The following FAM240C variants were observed in gnomAD, a reference collection of about 807,000 sequenced individuals.
FAM240C encodes protein FAM240C.
In FAM240C, 14 loss-of-function variants were observed where a neutral mutation model predicts 10.0. The ratio of observed to expected loss-of-function variants is 1.40; its 90% CI spans 0.92 to 2.19. FAM240C has a LOEUF of 2.19. Among genes scored for constraint, FAM240C ranks in the 30% most tolerant of loss-of-function variants. The pLI, the probability that FAM240C is intolerant of heterozygous loss-of-function variation, is 0.00. For missense variants in FAM240C, 154 were observed against 122.3 expected, an observed-to-expected ratio of 1.26 and a Z score of -1.22; for synonymous variants, 49 against 44.3, an observed-to-expected ratio of 1.11 and a Z score of -0.42.
At chr2:241,895,750 C>T (rs1224147327) in intron 2 of FAM240C, among the ~76,000 whole-genome samples, 8 of 152,202 alleles carry the variant, frequency 5.3e-5, no homozygotes, top group African/African-American at 9.6e-5. Flanking sequence ...CAACCTCCAC[C>T]TCAGGGGCCA....
intron 2 of FAM240C, among the ~76,000 whole-genome samples, chr2:241,896,486 A>G (rs866614698): frequency 0.017 from 581 of 34,710 alleles, 16 homozygotes; most frequent in African/African-American, 0.052. Flanking sequence ...ATGGCGGGGG[A>G]AGGGGGTGTG....
At chr2:241,894,422 G>T in intron 2 of FAM240C, 83 bp from the exon 3 acceptor site, 1 of 1,450,390 alleles carries the variant, frequency 6.9e-7, no homozygotes, top group Non-Finnish European at 9.2e-7. Flanking sequence ...TCAGCACCTG[G>T]GCACCTGTGA....
rs1438766485 is a variant in FAM240C, at chr2:241,894,333, G to T, written c.168C>A (p.Arg56=). 1.3e-6 allele frequency: 2 copies of T among 1,545,016 alleles called. No homozygotes were observed. Among genetic ancestry groups the T allele is most frequent in the Admixed American group, 2.0e-5 (1 of 50,874 alleles). ...RVRRSALNKL[R]VGWAEQLEGR... Reference sequence around the variant, plus strand: ...CCTCCAGCTGCTCAGCCCATCCCACGCGGAGCCTGGGGCAGGGCGATAATT... The same window carrying T: ...CCTCCAGCTGCTCAGCCCATCCCACTCGGAGCCTGGGGCAGGGCGATAATT... Residue 56 remains arginine (R), a synonymous_variant, in exon 3 of 3, where the codon CGC becomes CGA. Coordinates refer to ENST00000404031, the MANE Select transcript of FAM240C (RefSeq NM_001382368.1).
intron 1 of FAM240C, among the ~76,000 whole-genome samples, chr2:241,898,610 A>G (rs954086396): frequency 1.4e-5 from 1 of 70,878 alleles, no homozygotes; most frequent in Non-Finnish European, 2.7e-5. Flanking sequence ...TGTCGACAGC[A>G]GCAGCCCCTT....
intron 1 of FAM240C, 105 bp from the exon 2 acceptor site, chr2:241,897,439 C>G: frequency 7.4e-7 from 1 of 1,358,892 alleles, no homozygotes; most frequent in Non-Finnish European, 1.0e-6. Flanking sequence ...CAGCCTGCAG[C>G]ATCGTGGTCC....
rs768738629 is a variant in FAM240C, at chr2:241,897,306, T to G, written c.41A>C (p.Asn14Thr). 8.4e-6 allele frequency: 13 copies of G among 1,549,640 alleles called. No individual in the cohort carries two copies. In the African/African-American group the frequency reaches 1.8e-4, roughly 21 times the overall value. Residue 14 changes from asparagine (N) to threonine (T), a missense_variant, in exon 2 of 3, where the codon AAT becomes ACT. Physicochemically the swap from Asn to Thr is moderately conservative, Grantham distance 65 (BLOSUM62 0). Transcript: ENST00000404031. ...KNMSKSLTLK[N>T]PGRVAYDSGG... is the part of the protein sequence containing the mutation. ...TGAATCGTATGCTACTCTTCCAGGA[T>G]TCTTAAGAGTGAGGCTTTTACTCAT...
chr2:241,899,467 G>T, intron 1 of FAM240C: 2 of 459,744 alleles, frequency 4.4e-6, no homozygotes, highest in South Asian at 1.8e-4. Flanking sequence ...AGGAGGGTGG[G>T]ATGCACGGAA....
chr2:241,898,561 C>G (rs892810680), intron 1 of FAM240C, among the ~76,000 whole-genome samples: 1 of 151,904 alleles, frequency 6.6e-6, no homozygotes, highest in East Asian at 1.9e-4. Context: ...AACAAACAAA[C>G]AAACAAACAA....
chr2:241,901,042 T>C (rs113223219), upstream of FAM240C, among the ~76,000 whole-genome samples: 264 of 152,172 alleles, frequency 1.7e-3, no homozygotes, highest in Non-Finnish European at 3.0e-3. This position sits in a 1 kb window ranked among gnomAD's most constrained non-coding sequence, Gnocchi z 4.9. Flanking sequence ...TGAGGCGTCC[T>C]GGAGCAAGCA....
chr2:241,896,824 G>T (rs1294824445), intron 2 of FAM240C, among the ~76,000 whole-genome samples: 1 of 126,684 alleles, frequency 7.9e-6, no homozygotes, highest in African/African-American at 3.0e-5. Flanking sequence ...TGGGTGTGGG[G>T]GTGTGGGTGT....
chr2:241,899,185 A>T, intron 1 of FAM240C: 3 of 1,303,172 alleles, frequency 2.3e-6, no homozygotes, highest in Non-Finnish European at 2.0e-6. Context: ...GGTGCTGGGG[A>T]CTCCTTCGAG....
upstream of FAM240C, among the ~76,000 whole-genome samples, chr2:241,901,156 C>T (rs960611650): frequency 6.6e-5 from 10 of 152,180 alleles, no homozygotes; most frequent in African/African-American, 2.4e-4. This position sits in a 1 kb window ranked among gnomAD's most constrained non-coding sequence, Gnocchi z 4.9. Context: ...GTCACCGCGT[C>T]CGGAAACACC....
At chr2:241,898,467 G>A (rs1274304479) in intron 1 of FAM240C, among the ~76,000 whole-genome samples, 1 of 152,212 alleles carries the variant, frequency 6.6e-6, no homozygotes, top group Non-Finnish European at 1.5e-5. Flanking sequence ...CAGGAGAATC[G>A]CTTGAACCCG....
upstream of FAM240C, chr2:241,900,524 CTCTG>C (rs536937521): frequency 9.2e-5 from 58 of 633,128 alleles, no homozygotes; most frequent in Middle Eastern, 4.2e-4. This position sits in a 1 kb window ranked among gnomAD's most constrained non-coding sequence, Gnocchi z 4.5. Flanking sequence ...ACGCGCTGCC[CTCTG>C]TCTGGGCACC....
chr2:241,897,480 G>C, intron 1 of FAM240C, 146 bp from the exon 2 acceptor site: 1 of 980,452 alleles, frequency 1.0e-6, no homozygotes, highest in South Asian at 1.7e-5. Context: ...GGATGGCGGA[G>C]GCTGCCCTCT....
chr2:241,897,468 G>T (rs950438333), intron 1 of FAM240C, 134 bp from the exon 2 acceptor site: 6 of 1,053,928 alleles, frequency 5.7e-6, no homozygotes, highest in Non-Finnish European at 8.1e-6. Flanking sequence ...CTGGTTCGTG[G>T]GGGATGGCGG....
intron 2 of FAM240C, 35 bp downstream of exon 2, chr2:241,897,151 T>C: frequency 1.3e-6 from 2 of 1,545,600 alleles, no homozygotes; most frequent in Non-Finnish European, 8.7e-7. Flanking sequence ...GGCTCAGGCA[T>C]AGGGGTCCCC....
intron 1 of FAM240C, among the ~76,000 whole-genome samples, chr2:241,898,026 T>G (rs1406128587): frequency 1.3e-5 from 2 of 152,204 alleles, no homozygotes; most frequent in Non-Finnish European, 1.5e-5. Flanking sequence ...TGAGCCAGCG[T>G]GCCCAGCTCA....
chr2:241,895,294 C>T (rs1160138548), intron 2 of FAM240C, among the ~76,000 whole-genome samples: 3 of 152,356 alleles, frequency 2.0e-5, no homozygotes, highest in East Asian at 3.9e-4. Flanking sequence ...GCAGCTGCCA[C>T]GGTCCCACAG....
Sources: gnomAD v4.1 joint callset for allele counts (sites outside exome capture counted in the v4.1 genomes callset) on GRCh38, gnomAD v4.1.1 for gene constraint, Gnocchi (gnomAD v3.1) non-coding constraint, MANE v1.5 for transcripts, NCBI Gene and HGNC (gene_info 2026-07-23, HGNC 2026-07-21) for gene names.